The following GANC variants were observed in gnomAD, a reference collection of about 807,000 sequenced individuals.
GANC encodes neutral alpha-glucosidase C.
GANC carries 117 observed loss-of-function variants against 124.2 expected under a neutral mutation model. The ratio of observed to expected loss-of-function variants is 0.94; its 90% CI spans 0.81 to 1.10. The LOEUF is 1.10. Ranked by LOEUF, GANC falls within the 50% of genes least tolerant of loss-of-function variation. GANC has a pLI of 0.00. For missense variants in GANC, 1,140 were observed against 1,095.0 expected (o/e 1.04, Z -0.58); for synonymous variants, 377 against 376.8 (o/e 1.00, Z -0.01).
rs981933225 is a variant in GANC at position 42,348,364 on chromosome 15, T to A, written c.2418+148T>A. The A allele has an allele frequency of 4.4e-5, 27 of 613,576 alleles. No individual in the cohort carries two copies. The Middle Eastern group carries it at 1.2e-3, about 27-fold the overall frequency. The allele number at this position is 613,576 out of a possible 1,614,324, so 38.0% of individuals were successfully genotyped here. Reference sequence around the variant, plus strand: ...ATCATTTCTGAATCATTGTTCAGCTTGTCTGCCTTCCTTGGAATTGTTCTT... The same window carrying A: ...ATCATTTCTGAATCATTGTTCAGCTAGTCTGCCTTCCTTGGAATTGTTCTT... On this transcript the variant is annotated intron_variant, in intron 21 of 23. Transcript: ENST00000318010.
intron 11 of GANC, among the ~76,000 whole-genome samples, chr15:42,326,019 A>G (rs975225240): frequency 2.0e-5 from 3 of 152,176 alleles, no homozygotes; most frequent in African/African-American, 7.2e-5. Context: ...TGGCCTCCCA[A>G]TGTGTTGGGA....
At chr15:42,328,403 C>T (rs923825703) in intron 13 of GANC, among the ~76,000 whole-genome samples, 1 of 151,860 alleles carries the variant, frequency 6.6e-6, no homozygotes, top group Non-Finnish European at 1.5e-5. Context: ...GTTTGCCAAT[C>T]CCTGCTTTAG....
intron 18 of GANC, among the ~76,000 whole-genome samples, chr15:42,342,274 A>G (rs567589425): frequency 1.3e-5 from 2 of 152,276 alleles, no homozygotes; most frequent in African/African-American, 4.8e-5. Flanking sequence ...CAAATTTAAT[A>G]ATCCAGATTG....
chr15:42,295,498 A>G (rs1232609165), intron 5 of GANC, among the ~76,000 whole-genome samples: 1 of 152,164 alleles, frequency 6.6e-6, no homozygotes, highest in Non-Finnish European at 1.5e-5. Context: ...AAGAAAATAT[A>G]AAACAATATT....
chr15:42,290,473 T>C (rs1324996461), intron 4 of GANC, among the ~76,000 whole-genome samples: 1 of 152,158 alleles, frequency 6.6e-6, no homozygotes, highest in Non-Finnish European at 1.5e-5. Flanking sequence ...AGTCCATAAG[T>C]TAATTTCAGG....
chr15:42,274,415 T>A lies in GANC; in HGVS notation c.-67T>A. On this transcript the variant is annotated 5_prime_UTR_variant, in exon 1 of 24. Transcript: ENST00000318010. The stretch of plus-strand genomic sequence containing the variant: ...AATTTTAGAAAGACACCCAATCGGC[T>A]TTTTTAAAAGATCGCCCAGGGCCCT... 2 of 1,560,554 alleles carry A rather than the reference T, an allele frequency of 1.3e-6. No homozygotes were observed. Among genetic ancestry groups the A allele is most frequent in the Non-Finnish European group, 1.7e-6 (2 of 1,147,562 alleles).
chr15:42,280,292 C>A (rs2051718775), intron 3 of GANC, among the ~76,000 whole-genome samples: 1 of 152,114 alleles, frequency 6.6e-6, no homozygotes, highest in Admixed American at 6.5e-5. Context: ...GCTCATGGTA[C>A]CCCCAAAGCC....
In GANC at chr15:42,352,678, A is replaced by G. The variant is rs2052462341; in HGVS notation, c.*539A>G. ...GCAGCCGTGGGAGTTATTCTCCCCT[A>G]GAGATCGACTTGGCAGCACGAAGGA... On this transcript the variant is annotated 3_prime_UTR_variant, in exon 24 of 24. Transcript: ENST00000318010. 2.0e-6 allele frequency: 2 copies of G among 985,870 alleles called. No individual in the cohort carries two copies. Among genetic ancestry groups the G allele is most frequent in the Non-Finnish European group, 2.4e-6 (2 of 829,880 alleles). The allele number at this position is 985,870 out of a possible 1,614,324, so 61.1% of individuals were successfully genotyped here.
At chr15:42,297,753 C>G (rs1399642650) in intron 6 of GANC, 97 bp downstream of exon 6, 1 of 802,762 alleles carries the variant, frequency 1.2e-6, no homozygotes, top group Non-Finnish European at 2.0e-6. Flanking sequence ...CAGAAGGGTG[C>G]TTGTTAAATG....
At chr15:42,293,719 C>A (rs1458373477) in intron 5 of GANC, among the ~76,000 whole-genome samples, 1 of 151,514 alleles carries the variant, frequency 6.6e-6, no homozygotes, top group African/African-American at 2.4e-5. Flanking sequence ...AATAGCAGAA[C>A]AAATATCTGT....
chr15:42,304,909 G>T (rs947864196), intron 6 of GANC, among the ~76,000 whole-genome samples: 16 of 152,164 alleles, frequency 1.1e-4, no homozygotes, highest in Admixed American at 7.9e-4. Context: ...CTAGCCATGT[G>T]CAGAAAACTG....
rs954504816 is a variant in GANC, at chr15:42,338,390, T to C, written c.1743T>C (p.Gly581=). ...RSFFAGSQKY[G]AVWTGDNTAE... ...ATACATTGTTGCTGGTGACCAAAGG[T>C]GCCGTGTGGACAGGCGACAACACAG... is the stretch of plus-strand genomic sequence containing the variant. The change falls in exon 16 of 24, where the codon GGT becomes GGC. Residue 581 remains glycine (G), a splice_region_variant and synonymous_variant. Coordinates refer to ENST00000318010, the MANE Select transcript of GANC (RefSeq NM_198141.3). The C allele has an allele frequency of 3.7e-6, 6 of 1,611,864 alleles. No individual in the cohort carries two copies. Among genetic ancestry groups the C allele is most frequent in the Non-Finnish European group, 5.1e-6 (6 of 1,178,484 alleles).
intron 4 of GANC, among the ~76,000 whole-genome samples, chr15:42,289,358 A>G (rs557247217): frequency 1.3e-5 from 2 of 152,314 alleles, no homozygotes; most frequent in Non-Finnish European, 2.9e-5. Flanking sequence ...AGAGCCCAGC[A>G]GTTGTCATAG....
At chr15:42,298,795 C>G (rs541945789) in intron 6 of GANC, among the ~76,000 whole-genome samples, 1 of 152,248 alleles carries the variant, frequency 6.6e-6, no homozygotes, top group East Asian at 1.9e-4. Context: ...TAGCTGTATT[C>G]CTAGGTATTT....
At chr15:42,334,048 G>GA (rs1197568857) in intron 15 of GANC, among the ~76,000 whole-genome samples, 3 of 151,490 alleles carry the variant, frequency 2.0e-5, no homozygotes, top group African/African-American at 4.8e-5. Flanking sequence ...TCTGTGTGGG[G>GA]AAAAAAATGA....
At chr15:42,276,169 G>A (rs2051669045) in intron 1 of GANC, 179 bp from the exon 2 acceptor site, 1 of 468,504 alleles carries the variant, frequency 2.1e-6, no homozygotes, top group South Asian at 2.8e-5. Flanking sequence ...TTTACAAAAG[G>A]CTATTGTTCT....
At chr15:42,345,964 A>C in intron 20 of GANC, 132 bp downstream of exon 20, 1 of 642,378 alleles carries the variant, frequency 1.6e-6, no homozygotes, top group Non-Finnish European at 2.7e-6. Flanking sequence ...TGGAGGCTGG[A>C]AGTTCCAGAT....
intron 5 of GANC, among the ~76,000 whole-genome samples, chr15:42,295,678 A>ACG (rs1021629382): frequency 2.7e-5 from 4 of 150,044 alleles, no homozygotes; most frequent in African/African-American, 9.8e-5. Context: ...ACACACACAC[A>ACG]CACACACACA....
At chr15:42,332,976 C>T (rs982084455) in intron 15 of GANC, among the ~76,000 whole-genome samples, 6 of 150,978 alleles carry the variant, frequency 4.0e-5, no homozygotes, top group African/African-American at 1.2e-4. Context: ...AGAGATCGTG[C>T]CATTGCACTC....
Sources: allele counts gnomAD v4.1 joint callset (sites outside exome capture counted in the v4.1 genomes callset), GRCh38; gene constraint gnomAD v4.1.1; transcripts MANE v1.5; gene names NCBI Gene and HGNC (gene_info 2026-07-23, HGNC 2026-07-21).